The following NHLRC2 variants were observed in gnomAD, a reference collection of about 807,000 sequenced individuals.
NHLRC2 encodes NHL repeat-containing protein 2.
A neutral mutation model predicts 68.1 loss-of-function variants in NHLRC2; 33 were observed. That is an observed-to-expected ratio of 0.48 (90% confidence interval 0.37 to 0.65). The LOEUF (loss-of-function observed/expected upper bound fraction) is 0.65, where lower values mean the gene tolerates loss of function less well. NHLRC2 is among the 30% of genes least tolerant of loss of function. The pLI, the probability that NHLRC2 is intolerant of heterozygous loss-of-function variation, is 0.00. For synonymous variants in NHLRC2, 311 were observed against 309.6 expected (o/e 1.00, Z -0.05); for missense variants, 761 against 853.8 (o/e 0.89, Z 1.35).
chr10:113,898,244 C>T (rs1452200161), intron 6 of NHLRC2, 35 bp downstream of exon 6: 6 of 1,320,000 alleles, frequency 4.5e-6, no homozygotes, highest in South Asian at 2.4e-5. Flanking sequence ...GTAGACTGTA[C>T]TACTTGGTGT....
rs147358791 is a variant in NHLRC2 at position 113,864,390 on chromosome 10, T to C, written c.331+5710T>C. On this transcript the variant is annotated intron_variant, in intron 2 of 10. Coordinates refer to ENST00000369301, the MANE Select transcript of NHLRC2 (RefSeq NM_198514.4). ...CAAACGGTTAAAATAGTAAATCTTA[T>C]GGAAGAAACTATAAGAACACAAAAA... Among the ~76,000 whole-genome samples the C allele has an allele frequency of 5.1e-3, 777 of 152,224 alleles. 14 individuals are homozygous for C. Among genetic ancestry groups the C allele is most frequent in the African/African-American group, 0.018 (744 of 41,544 alleles).
intron 1 of NHLRC2, among the ~76,000 whole-genome samples, chr10:113,855,508 C>G (rs1013533672): frequency 2.0e-5 from 3 of 151,736 alleles, no homozygotes; most frequent in African/African-American, 7.3e-5. Context: ...CGCTCTGTCT[C>G]CCAGGCTGGA....
At chr10:113,863,330 A>G (rs890219265) in intron 2 of NHLRC2, among the ~76,000 whole-genome samples, 1 of 152,176 alleles carries the variant, frequency 6.6e-6, no homozygotes, top group African/African-American at 2.4e-5. Context: ...AAAATTCACA[A>G]ATTTGTGGAA....
At chr10:113,904,688 CA>C (rs1189404586) in intron 9 of NHLRC2, 128 bp from the exon 10 acceptor site, 1 of 686,190 alleles carries the variant, frequency 1.5e-6, no homozygotes, top group Admixed American at 2.8e-5. Flanking sequence ...CATTCTAATT[CA>C]AACTAGAATG....
chr10:113,903,738 T>C lies in NHLRC2; in HGVS notation c.1704+2T>C, dbSNP rs751512662. Reference sequence around the variant, plus strand: ...TTAGAAACTAAAATGGTATCTGTGGTAAGTAATTTTAAAATATAAGTTAAA... The same window carrying C: ...TTAGAAACTAAAATGGTATCTGTGGCAAGTAATTTTAAAATATAAGTTAAA... On this transcript the variant is annotated splice_donor_variant, in intron 9 of 10. Coordinates refer to ENST00000369301, the MANE Select transcript of NHLRC2 (RefSeq NM_198514.4). LOFTEE classifies it high-confidence loss of function. The C allele has an allele frequency of 6.9e-7, 1 of 1,439,136 alleles. No homozygotes were observed. The highest frequency in any genetic ancestry group is 9.8e-7 in the Non-Finnish European group (1 of 1,022,812). 89.1% of individuals were successfully genotyped at this position (1,439,136 alleles called of 1,614,324 possible).
chr10:113,878,183 T>G (rs1367266398), intron 3 of NHLRC2, among the ~76,000 whole-genome samples: 1 of 152,158 alleles, frequency 6.6e-6, no homozygotes. Context: ...TATCATAATA[T>G]TTCCCAAATT....
Position 113,912,582 on chromosome 10 carries a change from A to G in NHLRC2, c.*4046A>G, listed in dbSNP as rs995727859. Reference sequence around the variant, plus strand: ...ACCACATTCCTACAACATATGCCCAACAACCTGCACCAGAGTACTTATATC... The same window carrying G: ...ACCACATTCCTACAACATATGCCCAGCAACCTGCACCAGAGTACTTATATC... On this transcript the variant is annotated 3_prime_UTR_variant, in exon 11 of 11. Transcript: ENST00000369301. 6.6e-6 allele frequency: 1 copy of G among 152,240 alleles called. No homozygotes were observed. The highest frequency in any genetic ancestry group is 2.4e-5 in the African/African-American group (1 of 41,462). The allele number at this position is 152,240 out of a possible 1,614,324, so 9.4% of individuals were successfully genotyped here.
intron 2 of NHLRC2, among the ~76,000 whole-genome samples, chr10:113,867,852 A>G (rs1180413408): frequency 6.6e-6 from 1 of 152,210 alleles, no homozygotes; most frequent in East Asian, 1.9e-4. Context: ...TACACGTTCT[A>G]CTATAGTATA....
Position 113,914,761 on chromosome 10 carries a change from G to A in NHLRC2, c.*6225G>A, listed in dbSNP as rs946421786. ...CTGTGGCACAGTTTATTTAAATGAA[G>A]TATTAGCAATAATCATGTCACTATT... On this transcript the variant is annotated 3_prime_UTR_variant, in exon 11 of 11. Transcript: ENST00000369301. 6.4e-6 allele frequency: 2 copies of A among 310,584 alleles called. No individual in the cohort carries two copies. Among genetic ancestry groups the A allele is most frequent in the African/African-American group, 2.2e-5 (1 of 45,914 alleles). The allele number at this position is 310,584 out of a possible 1,614,324, so 19.2% of individuals were successfully genotyped here.
chr10:113,907,495 G>T (rs1241507604), intron 10 of NHLRC2, among the ~76,000 whole-genome samples: 1 of 152,188 alleles, frequency 6.6e-6, no homozygotes, highest in Non-Finnish European at 1.5e-5. Context: ...CTGAATGTCT[G>T]TATGTGTCTG....
At chr10:113,886,696 A>G (rs111766135) in intron 5 of NHLRC2, among the ~76,000 whole-genome samples, 7 of 152,204 alleles carry the variant, frequency 4.6e-5, no homozygotes, top group Admixed American at 1.3e-4. Flanking sequence ...GATGAATGAA[A>G]TTGGACTATA....
chr10:113,879,643 T>TA lies in NHLRC2; in HGVS notation c.859dup (p.Met287AsnfsTer3), dbSNP rs1428367339. 1 of 1,563,590 alleles carries TA rather than the reference T, an allele frequency of 6.4e-7. No individual in the cohort carries two copies. The highest frequency in any genetic ancestry group is 8.8e-7 in the Non-Finnish European group (1 of 1,140,192). On this transcript the variant is annotated frameshift_variant, in exon 4 of 11. Transcript: ENST00000369301. LOFTEE classifies it high-confidence loss of function. ...TTTAATTCTCCACAGGGTGTAGCCA[T>TA]AATGAATAATATCATATATGTGGCA... is the stretch of plus-strand genomic sequence containing the variant.
chr10:113,877,252 T>C (rs531957417), intron 3 of NHLRC2, among the ~76,000 whole-genome samples: 1 of 152,108 alleles, frequency 6.6e-6, no homozygotes, highest in East Asian at 1.9e-4. Context: ...TCTATCTTTT[T>C]TTTTTTTTTT....
intron 2 of NHLRC2, among the ~76,000 whole-genome samples, chr10:113,871,404 A>C (rs879360349): frequency 6.6e-6 from 1 of 152,002 alleles, no homozygotes; most frequent in Non-Finnish European, 1.5e-5. Flanking sequence ...TCCATATAGA[A>C]ATTTTTCAGT....
At chr10:113,867,517 A>G (rs1406183063) in intron 2 of NHLRC2, among the ~76,000 whole-genome samples, 1 of 152,170 alleles carries the variant, frequency 6.6e-6, no homozygotes, top group Admixed American at 6.5e-5. Context: ...CTTAGTATAA[A>G]AACGAAAATT....
rs781591600 is a variant in NHLRC2 at position 113,915,190 on chromosome 10, G to C, written c.*6654G>C. 1 of 456,162 alleles carries C rather than the reference G, an allele frequency of 2.2e-6. No homozygotes were observed. Among genetic ancestry groups the C allele is most frequent in the Non-Finnish European group, 4.4e-6 (1 of 226,968 alleles). 28.3% of individuals were successfully genotyped at this position (456,162 alleles called of 1,614,324 possible). ...GCATGTCGCTTTCAAGTGTACCAAA[G>C]GACATTTTGTTCTGTTGAAAGCCAC... On this transcript the variant is annotated 3_prime_UTR_variant, in exon 11 of 11. Transcript: ENST00000369301.
In NHLRC2 at chr10:113,873,431, G is replaced by A. The variant is rs1003988652; in HGVS notation, c.332-3090G>A. 9.2e-5 allele frequency among the ~76,000 whole-genome samples: 14 copies of A among 152,134 alleles called. 1 individual carries two copies. The highest frequency in any genetic ancestry group is 9.2e-4 in the Admixed American group (14 of 15,274). ...GAGAAGCACAACTGGGTATAATAAT[G>A]AGAGAACTAATAGAGAATTCATTAT... On this transcript the variant is annotated intron_variant, in intron 2 of 10. Coordinates refer to ENST00000369301, the MANE Select transcript of NHLRC2 (RefSeq NM_198514.4).
intron 6 of NHLRC2, among the ~76,000 whole-genome samples, chr10:113,898,512 A>G (rs1434938179): frequency 1.3e-5 from 2 of 152,178 alleles, no homozygotes; most frequent in Non-Finnish European, 2.9e-5. Flanking sequence ...GACTGTTAAA[A>G]TTTCTACTCA....
chr10:113,870,320 A>G (rs534899901), intron 2 of NHLRC2, among the ~76,000 whole-genome samples: 1 of 152,264 alleles, frequency 6.6e-6, no homozygotes, highest in South Asian at 2.1e-4. Flanking sequence ...CATCCCTTCT[A>G]ACTGTTCTTG....
Sources: allele counts gnomAD v4.1 joint callset (sites outside exome capture counted in the v4.1 genomes callset), GRCh38; gene constraint gnomAD v4.1.1; transcripts MANE v1.5; gene names NCBI Gene and HGNC (gene_info 2026-07-23, HGNC 2026-07-21).